EYA1: variants seen among roughly 807,000 people sequenced by gnomAD.
EYA1 encodes the protein protein phosphatase EYA1.
In EYA1, 16 loss-of-function variants were observed where a neutral mutation model predicts 82.0. The observed-to-expected ratio is 0.20, with a 90% CI of 0.13 to 0.30. The LOEUF is 0.30. Among genes scored for constraint, EYA1 ranks in the 10% least tolerant of loss-of-function variants. EYA1 has a pLI of 1.00. For synonymous variants in EYA1, 261 were observed against 264.4 expected (o/e 0.99, Z 0.12); for missense variants, 633 against 730.7 (o/e 0.87, Z 1.54).
At chr8:71,318,247 G>A (rs1712784122) in intron 6 of EYA1, among the ~76,000 whole-genome samples, 1 of 152,120 alleles carries the variant, frequency 6.6e-6, no homozygotes, top group Admixed American at 6.5e-5. Flanking sequence ...ACAACATGGT[G>A]GAAAGGCTTT....
chr8:71,242,148 G>C (rs1469309058), intron 12 of EYA1, among the ~76,000 whole-genome samples: 1 of 152,154 alleles, frequency 6.6e-6, no homozygotes, highest in Non-Finnish European at 1.5e-5. Flanking sequence ...AGAGGGTGCA[G>C]TGAGCTGAGA....
rs925222220 is a variant in EYA1, at chr8:71,359,476, G to A, written c.-55+2171C>T. On this transcript the variant is annotated intron_variant, in intron 1 of 17. Coordinates refer to ENST00000340726, the MANE Select transcript of EYA1 (RefSeq NM_000503.6). The stretch of plus-strand genomic sequence containing the variant: ...CACATTTTCCCTACCACAGAGCTCA[G>A]GATGCAGAGCAAAATTCATGACTTT... Among the ~76,000 whole-genome samples the A allele has an allele frequency of 2.6e-5, 4 of 152,104 alleles. No individual in the cohort carries two copies. The South Asian group carries it at 6.2e-4, about 24-fold the overall frequency.
intron 2 of EYA1, among the ~76,000 whole-genome samples, chr8:71,384,328 C>T (rs1037688132): frequency 2.0e-5 from 3 of 152,168 alleles, no homozygotes; most frequent in Admixed American, 6.5e-5. Context: ...GTGAGATCCA[C>T]GGTAAGGTTG....
chr8:71,527,425 T>G (rs1173320816), intron 2 of EYA1, among the ~76,000 whole-genome samples: 1 of 152,154 alleles, frequency 6.6e-6, no homozygotes, highest in Non-Finnish European at 1.5e-5. Flanking sequence ...AATTCTTCAT[T>G]TTACAAATAA....
At chr8:71,487,807 A>G (rs1436380277) in intron 2 of EYA1, among the ~76,000 whole-genome samples, 1 of 152,216 alleles carries the variant, frequency 6.6e-6, no homozygotes, top group African/African-American at 2.4e-5. Context: ...ACGTTTTAGA[A>G]GAAAAACAAT....
At chr8:71,330,783 G>A (rs1314452711) in intron 4 of EYA1, among the ~76,000 whole-genome samples, 1 of 152,070 alleles carries the variant, frequency 6.6e-6, no homozygotes, top group Non-Finnish European at 1.5e-5. Context: ...TGCAAGAACA[G>A]CACAAAAACT....
intron 2 of EYA1, among the ~76,000 whole-genome samples, chr8:71,533,212 A>C (rs1326138164): frequency 6.6e-6 from 1 of 152,228 alleles, no homozygotes; most frequent in Non-Finnish European, 1.5e-5. Flanking sequence ...TGTAGGTTAC[A>C]CGGCTACATC....
chr8:71,214,096 A>T (rs981896781), intron 16 of EYA1, among the ~76,000 whole-genome samples: 2 of 152,192 alleles, frequency 1.3e-5, no homozygotes, highest in Non-Finnish European at 2.9e-5. Context: ...GGCAAACGGA[A>T]GTTAGACCTA....
At chr8:71,275,833 A>G (rs1817101881) in intron 9 of EYA1, among the ~76,000 whole-genome samples, 1 of 152,246 alleles carries the variant, frequency 6.6e-6, no homozygotes, top group African/African-American at 2.4e-5. Context: ...GCCAAATCCA[A>G]TAATTATTGT....
chr8:71,496,609 T>C (rs1811432427), intron 2 of EYA1, among the ~76,000 whole-genome samples: 1 of 152,232 alleles, frequency 6.6e-6, no homozygotes, highest in Non-Finnish European at 1.5e-5. Flanking sequence ...AGCATTTTTT[T>C]CAATGTTTTG....
At chr8:71,444,548 G>A (rs771238715) in intron 2 of EYA1, among the ~76,000 whole-genome samples, 4 of 152,198 alleles carry the variant, frequency 2.6e-5, no homozygotes, top group Non-Finnish European at 5.9e-5. Context: ...AAATTAAGAT[G>A]TAAGGACAGG....
intron 12 of EYA1, among the ~76,000 whole-genome samples, chr8:71,232,666 TTTTTC>T (rs1489106664): frequency 6.6e-6 from 1 of 151,744 alleles, no homozygotes; most frequent in Non-Finnish European, 1.5e-5. Flanking sequence ...TGACAGATGT[TTTTTC>T]TTTTTTCTTT....
Position 71,269,786 on chromosome 8 carries a change from A to G in EYA1, c.1004T>C (p.Val335Ala). Residue 335 changes from valine (V) to alanine (A), a missense_variant, in exon 11 of 18, where the codon GTT becomes GCT. Coordinates refer to ENST00000340726, the MANE Select transcript of EYA1 (RefSeq NM_000503.6). ...GGACCCAGTAAGCAAGGAGTGGAAA[A>G]CAATGATTGTCTCATCCAAGTCCCA... Reference protein sequence around the residue: ...FIWDLDETIIVFHSLLTGSYA... With the variant: ...FIWDLDETIIAFHSLLTGSYA... The G allele has an allele frequency of 6.2e-7, 1 of 1,613,812 alleles. No homozygotes were observed. Among genetic ancestry groups the G allele is most frequent in the Non-Finnish European group, 8.5e-7 (1 of 1,179,806 alleles).
At chr8:71,326,276 C>A (rs1387615762) in intron 4 of EYA1, among the ~76,000 whole-genome samples, 1 of 152,172 alleles carries the variant, frequency 6.6e-6, no homozygotes, top group Middle Eastern at 3.2e-3. Context: ...TTCATGTCAA[C>A]ACCATTCAGC....
intron 2 of EYA1, among the ~76,000 whole-genome samples, chr8:71,494,855 A>G (rs929788501): frequency 1.3e-5 from 2 of 152,076 alleles, no homozygotes; most frequent in Non-Finnish European, 2.9e-5. Flanking sequence ...ATTCAATAAA[A>G]TATTCATTAA....
intron 7 of EYA1, among the ~76,000 whole-genome samples, chr8:71,307,835 A>G (rs554868953): frequency 2.0e-5 from 3 of 152,336 alleles, no homozygotes; most frequent in Admixed American, 2.0e-4. Flanking sequence ...ACACTGACGC[A>G]TGGTCCAGGT....
At chr8:71,346,698 A>T (rs1825779466) in intron 3 of EYA1, among the ~76,000 whole-genome samples, 1 of 152,098 alleles carries the variant, frequency 6.6e-6, no homozygotes, top group Non-Finnish European at 1.5e-5. Flanking sequence ...GTCACTATAG[A>T]TCAAATTCAA....
chr8:71,426,168 T>G (rs1295863703), intron 2 of EYA1, among the ~76,000 whole-genome samples: 1 of 152,222 alleles, frequency 6.6e-6, no homozygotes, highest in Admixed American at 6.5e-5. Context: ...ATTTCTTTAA[T>G]CACAGGATGA....
chr8:71,324,812 C>A (rs1330579029), intron 4 of EYA1, among the ~76,000 whole-genome samples: 1 of 152,130 alleles, frequency 6.6e-6, no homozygotes, highest in Non-Finnish European at 1.5e-5. Flanking sequence ...GCTCCCCGAC[C>A]CCCAATCCAG....
Sources: allele counts gnomAD v4.1 joint callset (sites outside exome capture counted in the v4.1 genomes callset), GRCh38; gene constraint gnomAD v4.1.1; transcripts MANE v1.5; gene names NCBI Gene and HGNC (gene_info 2026-07-23, HGNC 2026-07-21).